TMC7: variants seen among roughly 807,000 people sequenced by gnomAD.
The protein encoded by TMC7 is transmembrane channel-like protein 7.
A neutral mutation model predicts 82.9 loss-of-function variants in TMC7; 54 were observed. The ratio of observed to expected loss-of-function variants is 0.65; its 90% CI spans 0.52 to 0.82. The LOEUF is 0.82. TMC7 is among the 40% of genes least tolerant of loss of function. The pLI, the probability that TMC7 is intolerant of heterozygous loss-of-function variation, is 0.00. For missense variants in TMC7, 820 were observed against 901.2 expected (o/e 0.91, Z 1.15); for synonymous variants, 350 against 337.9 (o/e 1.04, Z -0.39).
intron 5 of TMC7, among the ~76,000 whole-genome samples, chr16:19,023,558 T>G (rs1480978368): frequency 6.6e-6 from 1 of 152,224 alleles, no homozygotes; most frequent in African/African-American, 2.4e-5. Flanking sequence ...GTGATTCTCC[T>G]GCCTCAGCCT....
intron 15 of TMC7, chr16:19,059,919 G>A (rs1961932103): frequency 2.3e-6 from 1 of 428,388 alleles, no homozygotes; most frequent in Non-Finnish European, 4.4e-6. Flanking sequence ...GGAGGTCGCA[G>A]TGAGCTGAGA....
chr16:19,056,821 C>T, intron 14 of TMC7, 124 bp downstream of exon 14: 2 of 1,161,224 alleles, frequency 1.7e-6, no homozygotes, highest in South Asian at 1.5e-5. Context: ...TGCACTTTCC[C>T]ATCTCTAAAA....
At chr16:18,995,646 C>A (rs775251217) in intron 1 of TMC7, among the ~76,000 whole-genome samples, 30 of 152,274 alleles carry the variant, frequency 2.0e-4, no homozygotes, top group Admixed American at 3.3e-4. Flanking sequence ...GCGGTTCAGA[C>A]GTTTTGAAGT....
Position 19,009,206 on chromosome 16 carries a change from T to G in TMC7, c.102T>G (p.Ser34=). The G allele has an allele frequency of 1.2e-6, 2 of 1,614,166 alleles. No homozygotes were observed. Among genetic ancestry groups the G allele is most frequent in the Non-Finnish European group, 8.5e-7 (1 of 1,180,026 alleles). ...NLSLDSSCFS[S]PPVNFLQELP... ...CTCTAGACTCCAGTTGCTTCTCTTCTCCACCTGTGAACTTCCTCCAAGAAT... is the reference window on the plus strand; with the variant it reads ...CTCTAGACTCCAGTTGCTTCTCTTCGCCACCTGTGAACTTCCTCCAAGAAT... Residue 34 remains serine, a synonymous_variant, in exon 2 of 16, where the codon TCT becomes TCG. Transcript: ENST00000304381.
intron 1 of TMC7, among the ~76,000 whole-genome samples, chr16:19,007,676 A>T (rs8051827): frequency 0.45 from 68,436 of 151,424 alleles, 17,444 homozygotes; most frequent in East Asian, 0.7. Context: ...TCTCAAAAAA[A>T]AAAAAAATAA....
chr16:19,041,711 A>G, intron 9 of TMC7, among the ~76,000 whole-genome samples: 1 of 152,110 alleles, frequency 6.6e-6, no homozygotes, highest in East Asian at 1.9e-4. Context: ...CTTTAAATAT[A>G]TAACCATCAT....
chr16:19,038,116 C>T lies in TMC7; in HGVS notation c.1179+69C>T, dbSNP rs1279677017. On this transcript the variant is annotated intron_variant, in intron 8 of 15. Transcript: ENST00000304381. ...TGAAAATCTGTGAGGTAGATACCATCGTCATTTCTGTTTTACATATGGAGA... is the reference window on the plus strand; with the variant it reads ...TGAAAATCTGTGAGGTAGATACCATTGTCATTTCTGTTTTACATATGGAGA... The T allele has an allele frequency of 1.2e-5, 17 of 1,447,300 alleles. No individual in the cohort carries two copies. In the Admixed American group the frequency reaches 1.6e-4, roughly 14 times the overall value. The allele number at this position is 1,447,300 out of a possible 1,614,324, so 89.7% of individuals were successfully genotyped here. A position where few individuals can be genotyped will look rare whatever the true frequency, so the allele number is the denominator to read the frequency against.
chr16:18,995,313 T>G lies in TMC7; in HGVS notation c.67+11183T>G, dbSNP rs140808508. ...CGTATTGATTAAGAAGGGGACAGAC[T>G]TACCCTCCACTGTAAGAGTTACCCA... is the stretch of plus-strand genomic sequence containing the variant. On this transcript the variant is annotated intron_variant, in intron 1 of 15. Coordinates refer to ENST00000304381, the MANE Select transcript of TMC7 (RefSeq NM_024847.4). Among the ~76,000 whole-genome samples, 30 of 152,224 alleles carry G rather than the reference T, an allele frequency of 2.0e-4. 1 individual carries two copies. Among genetic ancestry groups the G allele is most frequent in the Admixed American group, 7.2e-4 (11 of 15,276 alleles).
chr16:19,046,912 G>T (rs1226673405), intron 11 of TMC7, 151 bp from the exon 12 acceptor site: 7 of 602,678 alleles, frequency 1.2e-5, no homozygotes, highest in Non-Finnish European at 1.4e-5. Flanking sequence ...TGATCTTAAT[G>T]ATTCCAGAGT....
At position 19,009,366 on chromosome 16, in the gene TMC7, C is replaced by A. The variant is rs770352879; in HGVS notation, c.262C>A (p.His88Asn). The A allele has an allele frequency of 1.9e-6, 3 of 1,614,072 alleles. No individual in the cohort carries two copies. Among genetic ancestry groups the A allele is most frequent in the Non-Finnish European group, 2.5e-6 (3 of 1,180,046 alleles). ...CAGAATCGCTGAAAACCTCAGCAGC[C>A]ATTCTCTTCGAAATTATGCACTGAA... ...EDRIAENLSS[H>N]SLRNYALNIS... Residue 88 changes from histidine to asparagine, a missense_variant, in exon 2 of 16, where the codon CAT becomes AAT. His to Asn is a moderately conservative substitution (Grantham distance 68). This residue lies in a region of TMC7 where 650 missense variants were observed against 669.9 expected (regional missense o/e 0.97). Coordinates refer to ENST00000304381, the MANE Select transcript of TMC7 (RefSeq NM_024847.4).
chr16:19,012,231 G>A (rs1959400254), intron 2 of TMC7: 4 of 151,794 alleles, frequency 2.6e-5, no homozygotes, highest in African/African-American at 7.3e-5. Flanking sequence ...GAGCAAGAAT[G>A]ACACACAAAT....
chr16:19,050,154 G>T (rs547095214), intron 12 of TMC7, among the ~76,000 whole-genome samples: 2 of 151,792 alleles, frequency 1.3e-5, no homozygotes. Flanking sequence ...GGTGGATCAC[G>T]AGGTCAGGAG....
chr16:19,044,270 A>G (rs1961157027), intron 9 of TMC7, among the ~76,000 whole-genome samples: 1 of 152,124 alleles, frequency 6.6e-6, no homozygotes, highest in Non-Finnish European at 1.5e-5. Flanking sequence ...CCTGGGCTCA[A>G]ACAATCCTCT....
intron 6 of TMC7, 36 bp from the exon 7 acceptor site, chr16:19,035,640 G>C: frequency 6.2e-7 from 1 of 1,613,922 alleles, no homozygotes. Context: ...TTTTGCTGTT[G>C]TTTCTATAAG....
intron 9 of TMC7, among the ~76,000 whole-genome samples, chr16:19,044,565 C>T (rs562173057): frequency 1.3e-5 from 2 of 151,876 alleles, no homozygotes; most frequent in South Asian, 4.2e-4. Context: ...TTTGGGAGCC[C>T]AAGACAGGCG....
At chr16:19,046,691 A>G (rs1204695769) in intron 11 of TMC7, among the ~76,000 whole-genome samples, 2 of 152,054 alleles carry the variant, frequency 1.3e-5, no homozygotes, top group East Asian at 3.9e-4. Flanking sequence ...AAATTAGCCA[A>G]TTAGCCAAGC....
At chr16:19,039,154 G>A (rs1255711753) in intron 8 of TMC7, among the ~76,000 whole-genome samples, 15 of 146,288 alleles carry the variant, frequency 1.0e-4, no homozygotes, top group Non-Finnish European at 1.6e-4. Context: ...GCAGTGGCAC[G>A]ATCCCGGCTC....
At chr16:19,061,656 G>T in intron 15 of TMC7, 122 bp from the exon 16 acceptor site, 1 of 746,956 alleles carries the variant, frequency 1.3e-6, no homozygotes, top group South Asian at 2.0e-5. Flanking sequence ...CACAATGACA[G>T]ACCAGATGAG....
chr16:19,052,979 C>T (rs962135173), intron 13 of TMC7, among the ~76,000 whole-genome samples: 4 of 152,210 alleles, frequency 2.6e-5, no homozygotes, highest in African/African-American at 7.2e-5. Flanking sequence ...TCCCAAAGTG[C>T]TTGGATTACA....
Sources: allele counts gnomAD v4.1 joint callset (sites outside exome capture counted in the v4.1 genomes callset), GRCh38; gene constraint gnomAD v4.1.1; regional missense constraint gnomAD v4.1.1; transcripts MANE v1.5; gene names NCBI Gene and HGNC (gene_info 2026-07-23, HGNC 2026-07-21).